Variants in ERCC6 observed in about 807,000 individuals in gnomAD.
The protein encoded by ERCC6 is ERCC excision repair 6, chromatin remodeling factor.
Under a neutral mutation model 158.7 loss-of-function variants are expected in ERCC6, and 116 were observed. The observed-to-expected ratio is 0.73, with a 90% confidence interval of 0.63 to 0.85. The LOEUF is 0.85. Among genes scored for constraint, ERCC6 ranks in the 40% least tolerant of loss-of-function variants. The pLI, the probability that ERCC6 is intolerant of heterozygous loss-of-function variation, is 0.00. For synonymous variants in ERCC6, 678 were observed against 659.3 expected, an observed-to-expected ratio of 1.03 and a Z score of -0.43; for missense variants, 1,698 against 1,799.4, an observed-to-expected ratio of 0.94 and a Z score of 1.02.
At chr10:49,519,310 T>C (rs2281792) in intron 5 of ERCC6, among the ~76,000 whole-genome samples, 50,693 of 152,164 alleles carry the variant, frequency 0.33, 9,737 homozygotes, top group Non-Finnish European at 0.44. Flanking sequence ...GGCAAGCCAA[T>C]TAACTGGAGG....
the ERCC6 span, among the ~76,000 whole-genome samples, chr10:49,447,548 G>A: frequency 2.2e-3 from 333 of 152,048 alleles, no homozygotes; most frequent in East Asian, 6.8e-3. Context: ...AAAATTAGCC[G>A]GGCATAGTGG....
In ERCC6 at chr10:49,532,993, AT is replaced by A; in HGVS notation, c.-14-16del. ...CTACAGACTACCTAAAAGGAAAAAAATTTATAAGCCTTTTCGTTATATAGGA... is the reference window on the plus strand; with the variant it reads ...CTACAGACTACCTAAAAGGAAAAAAATTATAAGCCTTTTCGTTATATAGGA... On this transcript the variant is annotated splice_polypyrimidine_tract_variant and intron_variant, in intron 1 of 20. Coordinates refer to ENST00000355832, the MANE Select transcript of ERCC6 (RefSeq NM_000124.4). The A allele has an allele frequency of 1.2e-6, 2 of 1,613,732 alleles. No individual in the cohort carries two copies. Among genetic ancestry groups the A allele is most frequent in the Non-Finnish European group, 1.7e-6 (2 of 1,179,896 alleles).
chr10:49,480,871 C>T (rs1850966308), intron 10 of ERCC6, among the ~76,000 whole-genome samples: 1 of 152,132 alleles, frequency 6.6e-6, no homozygotes, highest in Non-Finnish European at 1.5e-5. Flanking sequence ...ACTAACAGGC[C>T]TATAGTCTTT....
chr10:49,470,844 C>T lies in ERCC6; in HGVS notation c.3116G>A (p.Arg1039Lys). 6.2e-7 allele frequency: 1 copy of T among 1,614,086 alleles called. No homozygotes were observed. Among genetic ancestry groups the T allele is most frequent in the Non-Finnish European group, 8.5e-7 (1 of 1,179,994 alleles). ...VQTPKCHLKR[R>K]IQPAFGADHD... ...GTCTGCTCCAAAGGCTGGTTGAATC[C>T]TTCTTTTTAGATGGCATTTGGGTGT... Residue 1039 changes from arginine to lysine, a missense_variant, in exon 18 of 21, where the codon AGG becomes AAG. Transcript: ENST00000355832.
chr10:49,505,711 C>A, intron 6 of ERCC6, 173 bp downstream of exon 6: 1 of 694,508 alleles, frequency 1.4e-6, no homozygotes, highest in South Asian at 1.9e-5. Context: ...TATTATCATC[C>A]AATTTTAATG....
chr10:49,528,918 G>A (rs946670466), intron 3 of ERCC6, among the ~76,000 whole-genome samples: 13 of 152,146 alleles, frequency 8.5e-5, no homozygotes, highest in African/African-American at 3.1e-4. Context: ...AATGGGCTAT[G>A]GAAGTCAACA....
chr10:49,473,661 AT>A, intron 13 of ERCC6, 74 bp from the exon 14 acceptor site: 1 of 867,012 alleles, frequency 1.2e-6, no homozygotes. Context: ...ATTTGTGTAA[AT>A]GGTAACACCT....
chr10:49,449,560 C>CTT (rs71026248), downstream of ERCC6, among the ~76,000 whole-genome samples: 1,265 of 68,062 alleles, frequency 0.019, 214 homozygotes, highest in Non-Finnish European at 0.021. Flanking sequence ...ATAGTTAGGT[C>CTT]TTTTTTTTTT....
chr10:49,438,193 G>A, the ERCC6 span, among the ~76,000 whole-genome samples: 1 of 152,278 alleles, frequency 6.6e-6, no homozygotes, highest in South Asian at 2.1e-4. Flanking sequence ...CATGCCTGGA[G>A]ACCAATACAC....
rs111350679 is a variant in ERCC6, at chr10:49,465,188, G to T, written c.3779-3632C>A. ...TCTTGCATCAGCGTGACCTGGATGC[G>T]AGACAAGGAGTCAAAGGAGATCATT... On this transcript the variant is annotated intron_variant, in intron 18 of 20. Transcript: ENST00000355832. Among the ~76,000 whole-genome samples the T allele has an allele frequency of 1.9e-3, 291 of 152,354 alleles. 1 individual carries two copies. Among genetic ancestry groups the T allele is most frequent in the African/African-American group, 6.7e-3 (280 of 41,580 alleles).
At chr10:49,448,807 C>T in the ERCC6 span, among the ~76,000 whole-genome samples, 2 of 152,066 alleles carry the variant, frequency 1.3e-5, no homozygotes, top group African/African-American at 4.8e-5. Flanking sequence ...TCAGTGTATC[C>T]GTCCTTCATT....
intron 10 of ERCC6, among the ~76,000 whole-genome samples, chr10:49,482,025 C>A (rs534198797): frequency 6.6e-6 from 1 of 152,328 alleles, no homozygotes; most frequent in African/African-American, 2.4e-5. Context: ...CTGAGTGCCA[C>A]TGCTTCCCTT....
At chr10:49,448,255 C>A in the ERCC6 span, among the ~76,000 whole-genome samples, 1 of 152,200 alleles carries the variant, frequency 6.6e-6, no homozygotes, top group African/African-American at 2.4e-5. Flanking sequence ...AGTGGTACCT[C>A]ATCACAGTTT....
At chr10:49,521,562 G>A (rs1053514662) in intron 5 of ERCC6, among the ~76,000 whole-genome samples, 1 of 152,196 alleles carries the variant, frequency 6.6e-6, no homozygotes, top group East Asian at 1.9e-4. Flanking sequence ...TGTTTTACAA[G>A]ACCTGTATAC....
rs774463252 is a variant in ERCC6, at chr10:49,532,823, G to A, written c.142C>T (p.Arg48Cys). The change falls in exon 2 of 21, where the codon CGT (arginine) becomes TGT (cysteine). Residue 48 changes from arginine (R) to cysteine (C), a missense_variant. By Grantham distance (180) the Arg-to-Cys change is radical. Transcript: ENST00000355832. ...DGEVEEYLSF[R>C]SVGDGLSTSA... is the part of the protein sequence containing the mutation. Reference sequence around the variant, plus strand: ...GTGGACAGCCCGTCACCCACAGAACGAAAGGAGAGGTACTCCTCCACCTCC... The same window carrying A: ...GTGGACAGCCCGTCACCCACAGAACAAAAGGAGAGGTACTCCTCCACCTCC... The A allele has an allele frequency of 1.1e-5, 17 of 1,614,054 alleles. No homozygotes were observed. Among genetic ancestry groups the A allele is most frequent in the South Asian group, 3.3e-5 (3 of 91,080 alleles).
At chr10:49,509,663 G>A (rs1427863599) in intron 5 of ERCC6, among the ~76,000 whole-genome samples, 3 of 152,144 alleles carry the variant, frequency 2.0e-5, no homozygotes, top group Admixed American at 2.0e-4. Flanking sequence ...TTGGTAGGGA[G>A]TGGGTAAGAA....
At position 49,492,133 on chromosome 10, in the gene ERCC6, C is replaced by G. The variant is rs1851182979; in HGVS notation, c.1821+984G>C. On this transcript the variant is annotated intron_variant, in intron 8 of 20. Coordinates refer to ENST00000355832, the MANE Select transcript of ERCC6 (RefSeq NM_000124.4). ...TTCCATCTCGCCTTATTTGTGCTAC[C>G]AAACCATAGATTTTTCTGAGTCACT... Among the ~76,000 whole-genome samples, 3 of 152,090 alleles carry G rather than the reference C, an allele frequency of 2.0e-5. No individual in the cohort carries two copies. The South Asian group carries it at 6.2e-4, about 32-fold the overall frequency.
chr10:49,454,593 T>C lies in ERCC6; in HGVS notation c.*4222A>G, dbSNP rs1156522739. Among the ~76,000 whole-genome samples the C allele has an allele frequency of 6.6e-6, 1 of 151,960 alleles. No homozygotes were observed. Among genetic ancestry groups the C allele is most frequent in the Non-Finnish European group, 1.5e-5 (1 of 68,028 alleles). On this transcript the variant is annotated 3_prime_UTR_variant, in exon 21 of 21. Transcript: ENST00000355832. ...GTTTATTTTTTGTTACAATTTTCAC[T>C]AGTTATAGCTAATTCCTAGGACAGT...
At chr10:49,517,091 AT>A in intron 5 of ERCC6, 1 of 1,599,186 alleles carries the variant, frequency 6.3e-7, no homozygotes, top group Non-Finnish European at 8.6e-7. Flanking sequence ...CAGTTATTTC[AT>A]GTAAACTTAG....
Sources: allele counts gnomAD v4.1 joint callset (sites outside exome capture counted in the v4.1 genomes callset), GRCh38; gene constraint gnomAD v4.1.1; transcripts MANE v1.5; gene names NCBI Gene and HGNC (gene_info 2026-07-23, HGNC 2026-07-21).